The following RARB variants were observed in gnomAD, a reference collection of about 807,000 sequenced individuals.
RARB encodes the protein retinoic acid receptor beta.
Under a neutral mutation model 51.9 loss-of-function variants are expected in RARB, and 17 were observed. That is an observed-to-expected ratio of 0.33 (90% CI 0.22 to 0.49). The LOEUF (loss-of-function observed/expected upper bound fraction) is 0.49. Among genes scored for constraint, RARB ranks in the 20% least tolerant of loss-of-function variants. The pLI, the probability that RARB is intolerant of heterozygous loss-of-function variation, is 0.99. For missense variants in RARB, 369 were observed against 550.8 expected (o/e 0.67, Z 3.30); for synonymous variants, 215 against 195.4 (o/e 1.10, Z -0.84).
chr3:25,046,164 A>G (rs1698209332), intron 2 of RARB, among the ~76,000 whole-genome samples: 1 of 152,192 alleles, frequency 6.6e-6, no homozygotes, highest in Non-Finnish European at 1.5e-5. Flanking sequence ...CAAGAAAGGC[A>G]TGGAGAAAAA....
chr3:25,550,169 C>T (rs1048659193), intron 3 of RARB, among the ~76,000 whole-genome samples: 3 of 152,028 alleles, frequency 2.0e-5, no homozygotes, highest in Non-Finnish European at 2.9e-5. Context: ...AATGAGGACC[C>T]CTTTGCAGTT....
At chr3:25,160,981 C>T (rs1033839678) in intron 4 of RARB, among the ~76,000 whole-genome samples, 18 of 152,064 alleles carry the variant, frequency 1.2e-4, no homozygotes, top group African/African-American at 4.3e-4. Flanking sequence ...CACTGGGCTA[C>T]CAGATAATCC....
chr3:25,074,577 C>T (rs1410853855), intron 3 of RARB, among the ~76,000 whole-genome samples: 17 of 152,156 alleles, frequency 1.1e-4, no homozygotes, highest in Non-Finnish European at 1.5e-5. Flanking sequence ...CCTTCGAAGC[C>T]TGCCAAGTTA....
At chr3:25,371,997 T>C (rs1378967202) in intron 5 of RARB, among the ~76,000 whole-genome samples, 1 of 152,136 alleles carries the variant, frequency 6.6e-6, no homozygotes, top group Non-Finnish European at 1.5e-5. Context: ...CTGCCACCGA[T>C]AGTCTTAAGG....
intron 1 of RARB, among the ~76,000 whole-genome samples, chr3:25,431,528 G>T (rs1708207121): frequency 6.6e-6 from 1 of 152,066 alleles, no homozygotes; most frequent in Non-Finnish European, 1.5e-5. Context: ...GAAGGTATAG[G>T]AGTCACTAAA....
At chr3:24,885,358 T>A (rs1441279996) in intron 2 of RARB, among the ~76,000 whole-genome samples, 1 of 152,176 alleles carries the variant, frequency 6.6e-6, no homozygotes, top group Non-Finnish European at 1.5e-5. Flanking sequence ...TGTGAGGCCT[T>A]TTGACAAGAA....
chr3:25,054,215 A>G (rs976053003), intron 2 of RARB, among the ~76,000 whole-genome samples: 3 of 152,160 alleles, frequency 2.0e-5, no homozygotes, highest in South Asian at 2.1e-4. Context: ...ATGTGCATAC[A>G]CTAATTATCC....
upstream of RARB, among the ~76,000 whole-genome samples, chr3:25,424,769 G>A (rs549675544): frequency 7.2e-5 from 11 of 152,194 alleles, no homozygotes; most frequent in African/African-American, 2.2e-4. Context: ...GCTGCAGTAC[G>A]GTGCACAGAC....
rs191160188 is a variant in RARB at position 25,101,900 on chromosome 3, T to C, written c.-327-30261T>C. Among the ~76,000 whole-genome samples, 77 of 152,242 alleles carry C rather than the reference T, an allele frequency of 5.1e-4. 1 individual carries two copies. The highest frequency in any genetic ancestry group is 1.5e-3 in the African/African-American group (63 of 41,560). Reference sequence around the variant, plus strand: ...GCTGCTCTATTTAAGCAAAAACTTGTGTCTCTTTGTTTTGATTTGTAACTC... The same window carrying C: ...GCTGCTCTATTTAAGCAAAAACTTGCGTCTCTTTGTTTTGATTTGTAACTC... On this transcript the variant is annotated intron_variant, in intron 3 of 11. Coordinates refer to the RARB transcript ENST00000383772.
intron 5 of RARB, among the ~76,000 whole-genome samples, chr3:25,325,262 C>T (rs1186012592): frequency 1.3e-5 from 2 of 152,098 alleles, no homozygotes; most frequent in Admixed American, 6.5e-5. Flanking sequence ...CATGCTAATA[C>T]ATTATAATTT....
intron 5 of RARB, among the ~76,000 whole-genome samples, chr3:25,222,505 A>C (rs2125385355): frequency 6.6e-6 from 1 of 152,176 alleles, no homozygotes; most frequent in East Asian, 1.9e-4. Flanking sequence ...ATAATTCTCA[A>C]ATAGATTAAA....
chr3:25,537,527 A>G (rs1465384863), intron 3 of RARB, among the ~76,000 whole-genome samples: 1 of 152,186 alleles, frequency 6.6e-6, no homozygotes, highest in African/African-American at 2.4e-5. Context: ...GTAGTCACTG[A>G]GGCTCTTGTG....
At chr3:25,009,915 G>A (rs568772554) in intron 2 of RARB, among the ~76,000 whole-genome samples, 34 of 152,194 alleles carry the variant, frequency 2.2e-4, no homozygotes, top group Admixed American at 5.9e-4. Context: ...GAACCTTTAA[G>A]CAGTTCAGTT....
chr3:25,131,893 G>A (rs1699959406), intron 3 of RARB, among the ~76,000 whole-genome samples: 1 of 151,940 alleles, frequency 6.6e-6, no homozygotes, highest in South Asian at 2.1e-4. Context: ...ATAGATAAAG[G>A]CAGAGGAAAG....
chr3:24,915,644 A>G (rs1259343935), intron 2 of RARB, among the ~76,000 whole-genome samples: 1 of 152,174 alleles, frequency 6.6e-6, no homozygotes, highest in Non-Finnish European at 1.5e-5. Flanking sequence ...ACATTTTCAG[A>G]CTTCATGTAT....
intron 5 of RARB, among the ~76,000 whole-genome samples, chr3:25,208,837 C>T (rs1701625634): frequency 6.6e-6 from 1 of 152,072 alleles, no homozygotes; most frequent in African/African-American, 2.4e-5. Flanking sequence ...ACTCAGGGCC[C>T]ATCATACTCC....
intron 5 of RARB, among the ~76,000 whole-genome samples, chr3:25,309,101 C>A (rs1450691416): frequency 6.6e-6 from 1 of 150,916 alleles, no homozygotes; most frequent in Non-Finnish European, 1.5e-5. Context: ...TTCCTGTCCC[C>A]TGTCATTTCT....
chr3:25,569,983 C>CACGCAG, intron 4 of RARB, 65 bp downstream of exon 4: 1 of 11,488 alleles, frequency 8.7e-5, no homozygotes, highest in Non-Finnish European at 1.2e-4. Context: ...TGTGTGCAGA[C>CACGCAG]ACACACACAC....
intron 4 of RARB, among the ~76,000 whole-genome samples, chr3:25,132,912 G>A (rs1324234383): frequency 6.9e-6 from 1 of 145,298 alleles, no homozygotes; most frequent in Non-Finnish European, 1.5e-5. Context: ...TTGGAAAAAA[G>A]ATCAAGGACT....
Sources: gnomAD v4.1 joint callset for allele counts (sites outside exome capture counted in the v4.1 genomes callset) on GRCh38, gnomAD v4.1.1 for gene constraint, MANE v1.5 for transcripts, NCBI Gene and HGNC (gene_info 2026-07-23, HGNC 2026-07-21) for gene names.